Variants in ZNF251 observed in about 807,000 individuals in gnomAD.
ZNF251 encodes zinc finger protein 251.
Under a neutral mutation model 13.5 loss-of-function variants are expected in ZNF251, and 14 were observed. The ratio of observed to expected loss-of-function variants is 1.04; its 90% CI spans 0.69 to 1.63. The LOEUF (loss-of-function observed/expected upper bound fraction) is 1.63. Among genes scored for constraint, ZNF251 ranks in the 40% most tolerant of loss-of-function variants. ZNF251 has a pLI of 0.00. For missense variants in ZNF251, 764 were observed against 834.9 expected, an observed-to-expected ratio of 0.92 and a Z score of 1.05; for synonymous variants, 287 against 295.2, an observed-to-expected ratio of 0.97 and a Z score of 0.28.
chr8:144,733,942 C>T (rs1289407769), intron 4 of ZNF251, among the ~76,000 whole-genome samples: 1 of 152,232 alleles, frequency 6.6e-6, no homozygotes, highest in African/African-American at 2.4e-5. Context: ...CTAAAATCAC[C>T]GCCAGTGGGG....
In ZNF251 at chr8:144,754,247, C is replaced by G; in HGVS notation, c.108G>C (p.Gln36His). 1 of 1,614,038 alleles carries G rather than the reference C, an allele frequency of 6.2e-7. No individual in the cohort carries two copies. Among genetic ancestry groups the G allele is most frequent in the Non-Finnish European group, 8.5e-7 (1 of 1,179,974 alleles). Residue 36 changes from glutamine to histidine, a missense_variant, in exon 3 of 5, where the codon CAG becomes CAC. Transcript: ENST00000292562. ...GCATCACATCCCGGTAGAGCGCCCG[C>G]TGCTGGGGGCCCAGCTGCCGCCCCT... is the stretch of plus-strand genomic sequence containing the variant. ...QAEGRQLGPQ[Q>H]RALYRDVMLE...
chr8:144,738,803 C>G (rs562591667), intron 4 of ZNF251: 2 of 983,006 alleles, frequency 2.0e-6, no homozygotes, highest in African/African-American at 3.5e-5. Context: ...AGGCAACCTC[C>G]TGGGGGCACC....
chr8:144,753,832 C>G, intron 3 of ZNF251, 36 bp from the exon 4 acceptor site: 1 of 1,487,880 alleles, frequency 6.7e-7, no homozygotes, highest in South Asian at 1.2e-5. Flanking sequence ...GCTGGCATGG[C>G]CCACTGGGCC....
chr8:144,754,928 G>C, intron 1 of ZNF251, 125 bp from the exon 2 acceptor site: 9 of 1,425,290 alleles, frequency 6.3e-6, no homozygotes, highest in Non-Finnish European at 8.2e-6. Flanking sequence ...ATGCAGCACG[G>C]GCCGACGTGC....
intron 4 of ZNF251, among the ~76,000 whole-genome samples, chr8:144,745,015 T>C (rs114142588): frequency 0.031 from 4,754 of 152,004 alleles, 256 homozygotes; most frequent in African/African-American, 0.11. Context: ...GAGATTGTGC[T>C]ACAGCACCCC....
chr8:144,721,652 GTCTT>G lies in ZNF251; in HGVS notation c.2004_2007del (p.Glu668AspfsTer25). The G allele has an allele frequency of 7.5e-7, 1 of 1,341,866 alleles. No individual in the cohort carries two copies. The highest frequency in any genetic ancestry group is 2.8e-5 in the South Asian group (1 of 35,274). The allele number at this position is 1,341,866 out of a possible 1,614,324, so 83.1% of individuals were successfully genotyped here. ...CTTCTGCATTTATCACATTAAAAAT[GTCTT>G]TCTTGGAAAATCTTCTTGATATGAA... is the stretch of plus-strand genomic sequence containing the variant. On this transcript the variant is annotated frameshift_variant, in exon 5 of 5. Transcript: ENST00000292562. LOFTEE classifies it high-confidence loss of function.
In ZNF251 at chr8:144,734,567, C is replaced by T. The variant is rs1252174109; in HGVS notation, c.278-11185G>A. 1.3e-5 allele frequency among the ~76,000 whole-genome samples: 2 copies of T among 152,198 alleles called. No homozygotes were observed. The highest frequency in any genetic ancestry group is 2.4e-5 in the African/African-American group (1 of 41,450). On this transcript the variant is annotated intron_variant, in intron 4 of 4. Transcript: ENST00000292562. The surrounding 1 kb of genome is among the most constrained non-coding windows in gnomAD (Gnocchi z 4.4). ...GGCCAACCCTGACACCAGAAAATGACGGCGCTGGTGGGTGCTGACCCTGGG... is the reference window on the plus strand; with the variant it reads ...GGCCAACCCTGACACCAGAAAATGATGGCGCTGGTGGGTGCTGACCCTGGG...
intron 4 of ZNF251, among the ~76,000 whole-genome samples, chr8:144,744,650 C>G (rs1318767132): frequency 6.6e-6 from 1 of 152,182 alleles, no homozygotes; most frequent in Non-Finnish European, 1.5e-5. Context: ...CTTTCTCTCT[C>G]CACCATGTGA....
At chr8:144,743,336 T>G (rs1586700086) in intron 4 of ZNF251, among the ~76,000 whole-genome samples, 1 of 152,286 alleles carries the variant, frequency 6.6e-6, no homozygotes, top group South Asian at 2.1e-4. Flanking sequence ...AGTGCTGGGG[T>G]TACAGGCATG....
intron 4 of ZNF251, among the ~76,000 whole-genome samples, chr8:144,744,973 T>C (rs551254218): frequency 1.3e-5 from 2 of 152,214 alleles, no homozygotes; most frequent in Non-Finnish European, 2.9e-5. Context: ...GGAGAATCAC[T>C]TGAACCCAGG....
At chr8:144,736,962 C>G (rs1038544294) in intron 4 of ZNF251, among the ~76,000 whole-genome samples, 39 of 151,984 alleles carry the variant, frequency 2.6e-4, no homozygotes, top group African/African-American at 9.2e-4. Flanking sequence ...ACCACCATGC[C>G]TGCTAATTTT....
At position 144,722,595 on chromosome 8, in the gene ZNF251, C is replaced by T; in HGVS notation, c.1065G>A (p.Gly355=). Reference sequence around the variant, plus strand: ...GGCTGGAGCTTCGACTGAAGGCCTTCCCACAGTGACTGCATTCATGCGGCT... The same window carrying T: ...GGCTGGAGCTTCGACTGAAGGCCTTTCCACAGTGACTGCATTCATGCGGCT... ...GEKPHECSHC[G]KAFSRSSSLI... is the part of the protein sequence containing the mutation. The change falls in exon 5 of 5, where the codon GGG becomes GGA. Residue 355 remains glycine (G), a synonymous_variant. Coordinates refer to ENST00000292562, the MANE Select transcript of ZNF251 (RefSeq NM_138367.2). The surrounding 1 kb of genome is among the most constrained non-coding windows in gnomAD (Gnocchi z 4.8). The T allele has an allele frequency of 1.2e-6, 2 of 1,614,050 alleles. No homozygotes were observed. Among genetic ancestry groups the T allele is most frequent in the Non-Finnish European group, 1.7e-6 (2 of 1,180,002 alleles).
intron 4 of ZNF251, among the ~76,000 whole-genome samples, chr8:144,729,747 G>A (rs1026330460): frequency 2.0e-5 from 3 of 152,060 alleles, no homozygotes; most frequent in Admixed American, 6.6e-5. Context: ...TGTGATCCCC[G>A]CACTTTGGGA....
chr8:144,751,215 T>G (rs1331263355), intron 4 of ZNF251, among the ~76,000 whole-genome samples: 1 of 152,188 alleles, frequency 6.6e-6, no homozygotes, highest in East Asian at 1.9e-4. Context: ...GGAGCTAAGA[T>G]TTGTTGATTT....
chr8:144,727,839 G>T (rs775771506), intron 4 of ZNF251, among the ~76,000 whole-genome samples: 2 of 152,074 alleles, frequency 1.3e-5, no homozygotes, highest in Non-Finnish European at 2.9e-5. Context: ...TTGAGACAGG[G>T]TCTCACTCTG....
At chr8:144,750,100 T>C (rs779105826) in intron 4 of ZNF251, among the ~76,000 whole-genome samples, 43 of 152,148 alleles carry the variant, frequency 2.8e-4, no homozygotes, top group Non-Finnish European at 5.4e-4. Flanking sequence ...AGCACGTTAA[T>C]CATAGTTTTA....
chr8:144,743,276 C>T (rs1311683193), intron 4 of ZNF251, among the ~76,000 whole-genome samples: 1 of 152,148 alleles, frequency 6.6e-6, no homozygotes, highest in East Asian at 1.9e-4. Flanking sequence ...GTTGGCCAGG[C>T]TCGTCTCGAA....
intron 4 of ZNF251, among the ~76,000 whole-genome samples, chr8:144,723,726 A>C (rs1026142209): frequency 2.6e-5 from 4 of 152,196 alleles, no homozygotes; most frequent in Non-Finnish European, 4.4e-5. Flanking sequence ...CTTATGTTCT[A>C]CTCAATTAGA....
chr8:144,737,083 C>T (rs753958689), intron 4 of ZNF251, among the ~76,000 whole-genome samples: 10 of 152,028 alleles, frequency 6.6e-5, no homozygotes, highest in African/African-American at 1.2e-4. Flanking sequence ...GGATTACAGG[C>T]GTGAGCCACG....
Sources: allele counts gnomAD v4.1 joint callset (sites outside exome capture counted in the v4.1 genomes callset), GRCh38; gene constraint gnomAD v4.1.1; non-coding constraint Gnocchi (gnomAD v3.1); transcripts MANE v1.5; gene names NCBI Gene and HGNC (gene_info 2026-07-23, HGNC 2026-07-21).